Variants in HSD17B7 observed in about 807,000 individuals in gnomAD.
HSD17B7 encodes 3-keto-steroid reductase/17-beta-hydroxysteroid dehydrogenase 7.
A neutral mutation model predicts 34.1 loss-of-function variants in HSD17B7; 17 were observed. The ratio of observed to expected loss-of-function variants is 0.50; its 90% CI spans 0.34 to 0.75. The LOEUF is 0.75. HSD17B7 is among the 30% of genes least tolerant of loss of function. HSD17B7 has a pLI of 0.01. For missense variants in HSD17B7, 296 were observed against 406.6 expected, an observed-to-expected ratio of 0.73 and a Z score of 2.34; for synonymous variants, 122 against 154.6, an observed-to-expected ratio of 0.79 and a Z score of 1.56.
intron 5 of HSD17B7, among the ~76,000 whole-genome samples, chr1:162,801,084 A>AT (rs1175765126): frequency 6.6e-6 from 1 of 152,202 alleles, no homozygotes; most frequent in East Asian, 1.9e-4. Context: ...AATTCAAGTG[A>AT]TTCTTGTACC....
At position 162,812,780 on chromosome 1, in the gene HSD17B7, G is replaced by A. The variant is rs1043857093; in HGVS notation, c.*360G>A. On this transcript the variant is annotated 3_prime_UTR_variant, in exon 9 of 9. Transcript: ENST00000254521. ...TCTGGGGTACATGGATTTCTACTGA[G>A]TTGGATAATATGCATTTGTAATAAA... 1.9e-5 allele frequency: 3 copies of A among 158,108 alleles called. No individual in the cohort carries two copies. The highest frequency in any genetic ancestry group is 7.2e-5 in the African/African-American group (3 of 41,534). 9.8% of individuals were successfully genotyped at this position (158,108 alleles called of 1,614,324 possible). A position where few individuals can be genotyped will look rare whatever the true frequency, so the allele number is the denominator to read the frequency against.
intron 8 of HSD17B7, 58 bp downstream of exon 8, chr1:162,805,550 G>A: frequency 6.3e-7 from 1 of 1,592,538 alleles, no homozygotes; most frequent in Non-Finnish European, 8.6e-7. Context: ...AATTAAGCCT[G>A]TGTTCCTGAC....
At chr1:162,794,225 A>G (rs1303077810) in intron 2 of HSD17B7, among the ~76,000 whole-genome samples, 1 of 152,256 alleles carries the variant, frequency 6.6e-6, no homozygotes, top group Non-Finnish European at 1.5e-5. Flanking sequence ...TTCCTTGGAC[A>G]GTAGAATGAA....
At chr1:162,797,454 T>C (rs1205862084) in intron 3 of HSD17B7, 1 of 186,960 alleles carries the variant, frequency 5.3e-6, no homozygotes, top group African/African-American at 2.3e-5. Context: ...GGAAAACTTT[T>C]TTTCCCTTTG....
intron 8 of HSD17B7, among the ~76,000 whole-genome samples, chr1:162,810,207 A>G (rs1426162907): frequency 3.9e-5 from 6 of 152,144 alleles, no homozygotes; most frequent in African/African-American, 1.4e-4. Context: ...TTCGTTATGT[A>G]CCCAGTAGTC....
At chr1:162,806,524 A>G (rs1277948581) in intron 8 of HSD17B7, among the ~76,000 whole-genome samples, 1 of 152,256 alleles carries the variant, frequency 6.6e-6, no homozygotes. Context: ...AGACTTGTAC[A>G]GCATACATCA....
In HSD17B7 at chr1:162,792,545, A is replaced by C; in HGVS notation, c.36-114A>C. ...AATAATTGTTGAGTCTTTTCTTTCTATCTGGGCTTCTCATTGGAGGTCAAC... is the reference window on the plus strand; with the variant it reads ...AATAATTGTTGAGTCTTTTCTTTCTCTCTGGGCTTCTCATTGGAGGTCAAC... On this transcript the variant is annotated intron_variant, in intron 1 of 8. Coordinates refer to ENST00000254521, the MANE Select transcript of HSD17B7 (RefSeq NM_016371.4). The C allele has an allele frequency of 2.2e-6, 3 of 1,388,350 alleles. No homozygotes were observed. The East Asian group carries it at 7.5e-5, about 35-fold the overall frequency. The allele number at this position is 1,388,350 out of a possible 1,614,324, so 86.0% of individuals were successfully genotyped here.
chr1:162,795,053 T>G (rs2102230081), intron 2 of HSD17B7, among the ~76,000 whole-genome samples: 1 of 152,298 alleles, frequency 6.6e-6, no homozygotes, highest in East Asian at 1.9e-4. Context: ...TTGAGATGGT[T>G]GGTGTCAATT....
chr1:162,799,336 C>T (rs889327516), intron 4 of HSD17B7, among the ~76,000 whole-genome samples: 3 of 152,124 alleles, frequency 2.0e-5, no homozygotes, highest in Non-Finnish European at 2.9e-5. Context: ...TTTTAGCTTT[C>T]GTTTTGAGCA....
intron 7 of HSD17B7, among the ~76,000 whole-genome samples, chr1:162,805,144 T>A (rs1648938442): frequency 6.6e-6 from 1 of 152,258 alleles, no homozygotes; most frequent in Non-Finnish European, 1.5e-5. Flanking sequence ...GCTTTGATGC[T>A]CTTGTTTTGG....
intron 8 of HSD17B7, among the ~76,000 whole-genome samples, chr1:162,808,802 T>G (rs1036958339): frequency 2.6e-5 from 4 of 152,218 alleles, no homozygotes; most frequent in Admixed American, 1.3e-4. Context: ...TGCTTGTGAT[T>G]TTTGCACATT....
At chr1:162,803,304 A>G in intron 5 of HSD17B7, 127 bp from the exon 6 acceptor site, 1 of 1,124,064 alleles carries the variant, frequency 8.9e-7, no homozygotes, top group Non-Finnish European at 1.2e-6. Flanking sequence ...GAGACAACTC[A>G]GAACATAAAT....
chr1:162,792,884 T>A, intron 2 of HSD17B7, 22 bp downstream of exon 2: 2 of 1,611,198 alleles, frequency 1.2e-6, no homozygotes, highest in South Asian at 2.2e-5. Context: ...GCTGATGGAT[T>A]TTTTTTCTCA....
intron 8 of HSD17B7, among the ~76,000 whole-genome samples, chr1:162,810,130 A>G (rs1158487750): frequency 1.3e-5 from 2 of 152,176 alleles, no homozygotes; most frequent in African/African-American, 2.4e-5. Flanking sequence ...AATGTGTCCC[A>G]GAGATTCTGG....
At position 162,804,452 on chromosome 1, in the gene HSD17B7, C is replaced by T. The variant is rs547468341; in HGVS notation, c.804+129C>T. The T allele has an allele frequency of 1.4e-4, 86 of 623,522 alleles. No homozygotes were observed. In the South Asian group the frequency reaches 1.8e-3, roughly 13 times the overall value. 38.6% of individuals were successfully genotyped at this position (623,522 alleles called of 1,614,324 possible). Reference sequence around the variant, plus strand: ...TAAGCTCTGTGAATAATTGAGGTCCCGTTTGGAACTAAAGCGGACTATAAG... The same window carrying T: ...TAAGCTCTGTGAATAATTGAGGTCCTGTTTGGAACTAAAGCGGACTATAAG... On this transcript the variant is annotated intron_variant, in intron 7 of 8. Transcript: ENST00000254521.
intron 1 of HSD17B7, 49 bp downstream of exon 1, chr1:162,790,884 A>G: frequency 6.4e-7 from 1 of 1,560,342 alleles, no homozygotes; most frequent in Non-Finnish European, 8.8e-7. Flanking sequence ...CAGGGGTCCG[A>G]GAGAGCAGGG....
intron 7 of HSD17B7, among the ~76,000 whole-genome samples, chr1:162,804,938 C>A (rs1166981522): frequency 6.6e-6 from 1 of 152,218 alleles, no homozygotes; most frequent in Non-Finnish European, 1.5e-5. Context: ...CCTCTGCTAA[C>A]GGTTCAGAAT....
rs756882481 is a variant in HSD17B7, at chr1:162,804,271, G to A, written c.752G>A (p.Arg251His). ...CAGTTGTTTTCTTTTCCGCAGCTTC[G>A]CTTTTTTGCAAATGCATTCACTTTG... ...TLLMPAILLL[R>H]FFANAFTLTP... The change falls in exon 7 of 9, where the codon CGC becomes CAC. Residue 251 changes from arginine to histidine, a missense_variant. By Grantham distance (29) the Arg-to-His change is conservative. Coordinates refer to ENST00000254521, the MANE Select transcript of HSD17B7 (RefSeq NM_016371.4). 2.7e-5 allele frequency: 43 copies of A among 1,607,122 alleles called. No individual in the cohort carries two copies. Among genetic ancestry groups the A allele is most frequent in the Non-Finnish European group, 3.4e-5 (40 of 1,176,590 alleles).
At chr1:162,807,713 T>G (rs1359822688) in intron 8 of HSD17B7, among the ~76,000 whole-genome samples, 1 of 152,202 alleles carries the variant, frequency 6.6e-6, no homozygotes, top group Non-Finnish European at 1.5e-5. Context: ...TTTGCATTTC[T>G]CTGATGGCCA....
Sources: allele counts gnomAD v4.1 joint callset (sites outside exome capture counted in the v4.1 genomes callset), GRCh38; gene constraint gnomAD v4.1.1; transcripts MANE v1.5; gene names NCBI Gene and HGNC (gene_info 2026-07-23, HGNC 2026-07-21).